The following RPL17 variants were observed in gnomAD, a reference collection of about 807,000 sequenced individuals.
RPL17 encodes large ribosomal subunit protein uL22.
RPL17 carries 2 observed loss-of-function variants against 27.7 expected under a neutral mutation model. The ratio of observed to expected loss-of-function variants is 0.07; its 90% CI spans 0.03 to 0.23. RPL17 has a LOEUF of 0.23. Ranked by LOEUF, RPL17 falls within the 10% of genes least tolerant of loss-of-function variation. RPL17 has a pLI of 1.00. For missense variants in RPL17, 141 were observed against 238.8 expected (o/e 0.59, Z 2.70); for synonymous variants, 76 against 75.5 (o/e 1.01, Z -0.03).
rs1383272498 is a variant in RPL17, at chr18:49,490,715, G to C, written c.216+78C>G. 10 of 1,605,350 alleles carry C rather than the reference G, an allele frequency of 6.2e-6. No individual in the cohort carries two copies. The Admixed American group carries it at 6.7e-5, about 11-fold the overall frequency. ...AACCAGAAATAGGTTCATCAGCACAGATCTTAGCCATTCTTATCCTATCCC... is the reference window on the plus strand; with the variant it reads ...AACCAGAAATAGGTTCATCAGCACACATCTTAGCCATTCTTATCCTATCCC... On this transcript the variant is annotated intron_variant, in intron 4 of 6. Coordinates refer to ENST00000580261, the MANE Select transcript of RPL17 (RefSeq NM_001035006.5).
chr18:49,488,852 G>T (rs182122500), intron 6 of RPL17, among the ~76,000 whole-genome samples: 1 of 152,032 alleles, frequency 6.6e-6, no homozygotes, highest in Admixed American at 6.5e-5. Flanking sequence ...TCTAAGTGGG[G>T]CCATCAGCAG....
At chr18:49,489,114 G>T in intron 6 of RPL17, 1 of 395,824 alleles carries the variant, frequency 2.5e-6, no homozygotes, top group Admixed American at 3.7e-5. Flanking sequence ...TGTTAGCCAG[G>T]ATGGTCTCGA....
At chr18:49,491,863 C>G (rs890083063) in intron 1 of RPL17, 3 of 576,654 alleles carry the variant, frequency 5.2e-6, no homozygotes, top group Admixed American at 4.7e-5. Context: ...CTGTTTCAAT[C>G]CAATGCTGGA....
chr18:49,491,506 TG>T (rs1443399822), intron 2 of RPL17, 25 bp downstream of exon 2: 1 of 1,614,160 alleles, frequency 6.2e-7, no homozygotes, highest in East Asian at 2.2e-5. Flanking sequence ...AAGTAGGAAA[TG>T]GGTATCTACC....
Position 49,488,581 on chromosome 18 carries a change from A to AGG in RPL17, c.508-16_508-15insCC. 2.8e-6 allele frequency: 4 copies of AGG among 1,405,990 alleles called. No homozygotes were observed. The East Asian group carries it at 9.4e-5, about 33-fold the overall frequency. The allele number at this position is 1,405,990 out of a possible 1,614,324, so 87.1% of individuals were successfully genotyped here. A position where few individuals can be genotyped will look rare whatever the true frequency, so the allele number is the denominator to read the frequency against. On this transcript the variant is annotated splice_polypyrimidine_tract_variant and intron_variant, in intron 6 of 6. Coordinates refer to ENST00000580261, the MANE Select transcript of RPL17 (RefSeq NM_001035006.5). ...TTCTGGGATATCTGGGGAAAGAAAA[A>AGG]TGTGTTAAGTTTCTTAGAGAAAACC...
chr18:49,491,548 C>T lies in RPL17; in HGVS notation c.24G>A (p.Pro8=). Residue 8 remains proline, a synonymous_variant, in exon 2 of 7, where the codon CCG becomes CCA. Transcript: ENST00000580261. MVRYSLD[P]ENPTKSCKSR... is the part of the protein sequence containing the mutation. The stretch of plus-strand genomic sequence containing the variant: ...TCCACTTACATTTCGTGGGGTTCTC[C>T]GGGTCAAGTGAATAGCGAACCATTT... 1.2e-6 allele frequency: 2 copies of T among 1,614,114 alleles called. No homozygotes were observed. The highest frequency in any genetic ancestry group is 3.3e-5 in the Admixed American group (2 of 60,010).
intron 5 of RPL17, 147 bp from the exon 6 acceptor site, chr18:49,489,697 G>T: frequency 1.2e-6 from 1 of 855,204 alleles, no homozygotes; most frequent in Non-Finnish European, 1.8e-6. Context: ...CTTTTATTCT[G>T]CAAATAGCAT....
In RPL17 at chr18:49,490,889, A is replaced by G. The variant is rs781306196; in HGVS notation, c.120T>C (p.His40=). 24 of 1,613,850 alleles carry G rather than the reference A, an allele frequency of 1.5e-5. No individual in the cohort carries two copies. The Admixed American group carries it at 1.5e-4, about 10-fold the overall frequency. ...TCAGATACTTCGTGGCTTTTCGTAT[A>G]TGCATACCCTTGATGGCCTGAGCAG... is the stretch of plus-strand genomic sequence containing the variant. ...RETAQAIKGM[H]IRKATKYLKD... The change falls in exon 4 of 7, where the codon CAT becomes CAC. Residue 40 remains histidine, a synonymous_variant. Transcript: ENST00000580261.
Position 49,491,426 on chromosome 18 carries a change from G to A in RPL17, c.60C>T (p.Ser20=). The part of the protein sequence containing the change: ...NPTKSCKSRG[S]NLRVHFKNTR... ...ATACCTTAAAGTGAACACGAAGATT[G>A]GAACCTCTTGATTTGCATGCTAGAA... The change falls in exon 3 of 7, where the codon TCC becomes TCT. Residue 20 remains serine (S), a synonymous_variant. Coordinates refer to ENST00000580261, the MANE Select transcript of RPL17 (RefSeq NM_001035006.5). 1.2e-6 allele frequency: 2 copies of A among 1,614,136 alleles called. No homozygotes were observed. The highest frequency in any genetic ancestry group is 1.1e-5 in the South Asian group (1 of 91,080).
chr18:49,488,908 T>TC (rs2083852800), intron 6 of RPL17, among the ~76,000 whole-genome samples: 1 of 151,702 alleles, frequency 6.6e-6, no homozygotes, highest in Non-Finnish European at 1.5e-5. Flanking sequence ...TACCAGTTTT[T>TC]TTTTTTTTGA....
intron 1 of RPL17, 122 bp downstream of exon 1, chr18:49,492,336 C>T (rs986876151): frequency 5.9e-5 from 9 of 153,084 alleles, no homozygotes; most frequent in African/African-American, 2.2e-4. Flanking sequence ...CCGCCTCCAG[C>T]GAGGATTTAG....
At chr18:49,489,085 TAG>T (rs1196672042) in intron 6 of RPL17, 4 of 297,696 alleles carry the variant, frequency 1.3e-5, no homozygotes, top group African/African-American at 8.8e-5. Flanking sequence ...GCATTTTTAG[TAG>T]AGACGGGGTT....
At chr18:49,490,993 A>C (rs1205776294) in intron 3 of RPL17, 66 bp from the exon 4 acceptor site, 2 of 1,593,914 alleles carry the variant, frequency 1.3e-6, no homozygotes, top group Non-Finnish European at 8.5e-7. Context: ...TAAACGTTAA[A>C]TTTTCAATTT....
intron 3 of RPL17, 49 bp downstream of exon 3, chr18:49,491,356 T>C (rs2148824448): frequency 6.2e-7 from 1 of 1,614,080 alleles, no homozygotes; most frequent in Admixed American, 1.7e-5. Flanking sequence ...AGCTACCTTT[T>C]TTGAGTGGAA....
At chr18:49,491,480 T>C in intron 2 of RPL17, 35 bp from the exon 3 acceptor site, 3 of 1,614,180 alleles carry the variant, frequency 1.9e-6, no homozygotes, top group South Asian at 1.1e-5. Context: ...ATTTTTGGTA[T>C]CTTATGCCAA....
chr18:49,490,997 TC>T, intron 3 of RPL17, 70 bp from the exon 4 acceptor site: 1 of 1,593,904 alleles, frequency 6.3e-7, no homozygotes, highest in Non-Finnish European at 8.5e-7. Flanking sequence ...CGTTAAATTT[TC>T]AATTTTCAGC....
chr18:49,490,862 T>C lies in RPL17; in HGVS notation c.147A>G (p.Lys49=), dbSNP rs759273356. 6.2e-7 allele frequency: 1 copy of C among 1,613,652 alleles called. No individual in the cohort carries two copies. Among genetic ancestry groups the C allele is most frequent in the Non-Finnish European group, 8.5e-7 (1 of 1,179,918 alleles). Residue 49 remains lysine (K), a synonymous_variant, in exon 4 of 7, where the codon AAA becomes AAG. Coordinates refer to ENST00000580261, the MANE Select transcript of RPL17 (RefSeq NM_001035006.5). ...CACACTGTTTCTGTAAAGTGACATC[T>C]TTCAGATACTTCGTGGCTTTTCGTA... ...MHIRKATKYL[K]DVTLQKQCVP... is the part of the protein sequence containing the mutation.
chr18:49,491,640 T>C (rs1371883779), intron 1 of RPL17, 56 bp from the exon 2 acceptor site: 11 of 1,586,992 alleles, frequency 6.9e-6, no homozygotes, highest in African/African-American at 1.3e-5. Context: ...ACTCATTCAG[T>C]ATAAATATCA....
At chr18:49,490,635 T>A in intron 4 of RPL17, 83 bp from the exon 5 acceptor site, 1 of 1,600,516 alleles carries the variant, frequency 6.2e-7, no homozygotes, top group Non-Finnish European at 8.5e-7. Context: ...GATATCACGG[T>A]TTCTTAGGAT....
Sources: gnomAD v4.1 joint callset for allele counts (sites outside exome capture counted in the v4.1 genomes callset) on GRCh38, gnomAD v4.1.1 for gene constraint, MANE v1.5 for transcripts, NCBI Gene and HGNC (gene_info 2026-07-23, HGNC 2026-07-21) for gene names.